NCK2: variants seen among roughly 807,000 people sequenced by gnomAD.
The protein encoded by NCK2 is cytoplasmic protein NCK2.
NCK2 carries 16 observed loss-of-function variants against 33.9 expected under a neutral mutation model. The observed-to-expected ratio is 0.47, with a 90% CI of 0.32 to 0.72. The LOEUF is 0.72. Ranked by LOEUF, NCK2 falls within the 30% of genes least tolerant of loss-of-function variation. NCK2 has a pLI of 0.03. For missense variants in NCK2, 418 were observed against 537.3 expected (o/e 0.78, Z 2.19); for synonymous variants, 273 against 239.9 (o/e 1.14, Z -1.27).
At chr2:105,787,540 C>T (rs1214854090) in intron 1 of NCK2, among the ~76,000 whole-genome samples, 1 of 152,174 alleles carries the variant, frequency 6.6e-6, no homozygotes, top group African/African-American at 2.4e-5. Flanking sequence ...CACTTGGATC[C>T]TGGACTTGCA....
At chr2:105,754,969 C>A (rs1689559349) in intron 1 of NCK2, among the ~76,000 whole-genome samples, 1 of 151,826 alleles carries the variant, frequency 6.6e-6, no homozygotes, top group Admixed American at 6.6e-5. Context: ...TTCTGGTTCT[C>A]CCCTCACTTT....
intron 1 of NCK2, among the ~76,000 whole-genome samples, chr2:105,793,529 G>C (rs1036665579): frequency 6.6e-6 from 1 of 152,220 alleles, no homozygotes; most frequent in African/African-American, 2.4e-5. Context: ...CATTGCACTG[G>C]CTAACAAGTT....
intron 2 of NCK2, among the ~76,000 whole-genome samples, chr2:105,844,493 G>T (rs889199733): frequency 7.9e-5 from 12 of 151,738 alleles, no homozygotes; most frequent in African/African-American, 2.9e-4. Flanking sequence ...GGAGGCTGAG[G>T]CGGGCGGATT....
intron 2 of NCK2, among the ~76,000 whole-genome samples, chr2:105,822,631 C>G (rs1214467122): frequency 1.3e-5 from 2 of 151,780 alleles, no homozygotes; most frequent in African/African-American, 4.9e-5. Context: ...GCTGATACAC[C>G]CTAGCAGTGT....
chr2:105,834,187 T>G (rs1676304226), intron 2 of NCK2, among the ~76,000 whole-genome samples: 1 of 152,192 alleles, frequency 6.6e-6, no homozygotes. Context: ...GTCTGATGCT[T>G]CTTTGTTGAT....
At chr2:105,785,134 A>G (rs1302446832) in intron 1 of NCK2, among the ~76,000 whole-genome samples, 1 of 152,102 alleles carries the variant, frequency 6.6e-6, no homozygotes, top group Non-Finnish European at 1.5e-5. Flanking sequence ...GCCGGCCACC[A>G]CACCTGGCTA....
At chr2:105,774,996 T>C (rs1467492466) in intron 1 of NCK2, among the ~76,000 whole-genome samples, 3 of 152,110 alleles carry the variant, frequency 2.0e-5, no homozygotes, top group African/African-American at 4.8e-5. Context: ...CTGGGCTGTA[T>C]AGCAAGGCCC....
chr2:105,748,287 TATC>T (rs1689354595), intron 1 of NCK2, among the ~76,000 whole-genome samples: 2 of 152,336 alleles, frequency 1.3e-5, no homozygotes, highest in South Asian at 4.1e-4. Flanking sequence ...CCCCACATCT[TATC>T]AACTCCAAAC....
Position 105,881,961 on chromosome 2 carries a change from A to G in NCK2, c.860A>G (p.Tyr287Cys). The change falls in exon 4 of 5, where the codon TAC becomes TGC. Residue 287 changes from tyrosine (Y) to cysteine (C), a missense_variant. Transcript: ENST00000233154. ...SGRFAGREWY[Y>C]GNVTRHQAEC... Reference sequence around the variant, plus strand: ...CGCTTCGCGGGCAGAGAGTGGTACTACGGGAACGTGACGCGGCACCAGGCC... The same window carrying G: ...CGCTTCGCGGGCAGAGAGTGGTACTGCGGGAACGTGACGCGGCACCAGGCC... 1 of 1,537,820 alleles carries G rather than the reference A, an allele frequency of 6.5e-7. No homozygotes were observed. Among genetic ancestry groups the G allele is most frequent in the Non-Finnish European group, 8.7e-7 (1 of 1,144,384 alleles).
chr2:105,850,730 T>C (rs1677035436), intron 2 of NCK2, among the ~76,000 whole-genome samples: 1 of 152,216 alleles, frequency 6.6e-6, no homozygotes, highest in Non-Finnish European at 1.5e-5. Flanking sequence ...CAGAATACCA[T>C]CTCTGACTTA....
intron 2 of NCK2, among the ~76,000 whole-genome samples, chr2:105,829,900 T>G (rs966612030): frequency 1.4e-5 from 2 of 148,042 alleles, no homozygotes; most frequent in Non-Finnish European, 3.0e-5. Context: ...CTTTCACTTA[T>G]TTACTAGTCA....
At chr2:105,889,000 G>A (rs1270134928) in intron 4 of NCK2, among the ~76,000 whole-genome samples, 1 of 152,214 alleles carries the variant, frequency 6.6e-6, no homozygotes, top group Non-Finnish European at 1.5e-5. Flanking sequence ...AGGAGCAAGT[G>A]TGGCATGGTC....
chr2:105,893,452 G>A lies in NCK2; in HGVS notation c.*276G>A. ...GAAGTGGCGCTCGTGCATTCAACTCGTTCCCGCTCATGGAACCCCTCTTTA... is the reference window on the plus strand; with the variant it reads ...GAAGTGGCGCTCGTGCATTCAACTCATTCCCGCTCATGGAACCCCTCTTTA... On this transcript the variant is annotated 3_prime_UTR_variant, in exon 5 of 5. Transcript: ENST00000233154. 2.7e-6 allele frequency: 1 copy of A among 372,180 alleles called. No individual in the cohort carries two copies. Among genetic ancestry groups the A allele is most frequent in the Non-Finnish European group, 5.0e-6 (1 of 198,736 alleles). The allele number at this position is 372,180 out of a possible 1,614,324, so 23.1% of individuals were successfully genotyped here. A position where few individuals can be genotyped will look rare whatever the true frequency, so the allele number is the denominator to read the frequency against.
rs367630081 is a variant in NCK2 at position 105,890,054 on chromosome 2, C to T, written c.949-2928C>T. Reference sequence around the variant, plus strand: ...ATACAGATTGTTCTTTTTCAGATTTCCTACAGAAAATCTACTTAGTTTAAA... The same window carrying T: ...ATACAGATTGTTCTTTTTCAGATTTTCTACAGAAAATCTACTTAGTTTAAA... On this transcript the variant is annotated intron_variant, in intron 4 of 4. Transcript: ENST00000233154. Among the ~76,000 whole-genome samples the T allele has an allele frequency of 3.9e-5, 6 of 152,146 alleles. No homozygotes were observed. In the East Asian group the frequency reaches 1.2e-3, roughly 29 times the overall value.
intron 1 of NCK2, among the ~76,000 whole-genome samples, chr2:105,795,005 TA>T (rs1462945011): frequency 6.6e-6 from 1 of 152,204 alleles, no homozygotes; most frequent in Non-Finnish European, 1.5e-5. Flanking sequence ...TCTTGCTTTT[TA>T]AAAAAAGTTT....
intron 2 of NCK2, chr2:105,848,468 C>T (rs2104567267): frequency 6.6e-6 from 1 of 152,266 alleles, no homozygotes; most frequent in South Asian, 2.1e-4. Flanking sequence ...GGACTCTCTC[C>T]AAAATAACAT....
At chr2:105,752,442 T>A (rs1433914036) in intron 1 of NCK2, among the ~76,000 whole-genome samples, 1 of 152,238 alleles carries the variant, frequency 6.6e-6, no homozygotes, top group Non-Finnish European at 1.5e-5. Context: ...TCTTAAAATG[T>A]GGTTTGAATT....
chr2:105,817,907 G>A (rs1675558114), intron 2 of NCK2, among the ~76,000 whole-genome samples: 1 of 152,068 alleles, frequency 6.6e-6, no homozygotes, highest in Non-Finnish European at 1.5e-5. Flanking sequence ...AATACCATTT[G>A]ACCCAGCCAT....
intron 3 of NCK2, among the ~76,000 whole-genome samples, chr2:105,868,738 A>G (rs73946604): frequency 1.8e-4 from 27 of 152,312 alleles, no homozygotes; most frequent in African/African-American, 6.5e-4. Flanking sequence ...AAAGCCTGCT[A>G]TACACAGTTA....
Sources: gnomAD v4.1 joint callset for allele counts (sites outside exome capture counted in the v4.1 genomes callset) on GRCh38, gnomAD v4.1.1 for gene constraint, MANE v1.5 for transcripts, NCBI Gene and HGNC (gene_info 2026-07-23, HGNC 2026-07-21) for gene names.